Variants in FBXL7 observed in about 807,000 individuals in gnomAD.
FBXL7 encodes F-box and leucine rich repeat protein 7, also known as F-box/LRR-repeat protein 7.
Under a neutral mutation model 38.3 loss-of-function variants are expected in FBXL7, and 12 were observed. That is an observed-to-expected ratio of 0.31 (90% CI 0.20 to 0.51). The LOEUF (loss-of-function observed/expected upper bound fraction) is 0.51. Among genes scored for constraint, FBXL7 ranks in the 20% least tolerant of loss-of-function variants. The pLI is 0.98. For synonymous variants in FBXL7, 297 were observed against 300.9 expected, an observed-to-expected ratio of 0.99 and a Z score of 0.13; for missense variants, 567 against 676.4, an observed-to-expected ratio of 0.84 and a Z score of 1.79.
intron 2 of FBXL7, among the ~76,000 whole-genome samples, chr5:15,730,926 A>G (rs1052551173): frequency 1.3e-5 from 2 of 152,340 alleles, no homozygotes; most frequent in Admixed American, 6.5e-5. Context: ...TCTATTGCCT[A>G]TAAAACAGAG....
intron 2 of FBXL7, among the ~76,000 whole-genome samples, chr5:15,811,153 C>T (rs1333038540): frequency 6.6e-6 from 1 of 152,286 alleles, no homozygotes; most frequent in East Asian, 1.9e-4. Flanking sequence ...ATGTACTCCT[C>T]TCCACCCTTT....
chr5:15,842,113 C>T (rs933714206), intron 2 of FBXL7, among the ~76,000 whole-genome samples: 2 of 152,168 alleles, frequency 1.3e-5, no homozygotes, highest in African/African-American at 2.4e-5. Flanking sequence ...CCTGGAAAAG[C>T]CACAGACACT....
chr5:15,905,969 C>T (rs542399757), intron 2 of FBXL7, among the ~76,000 whole-genome samples: 4 of 150,102 alleles, frequency 2.7e-5, no homozygotes, highest in East Asian at 2.0e-4. Flanking sequence ...ATGCTGAATA[C>T]GCAACATCCT....
At chr5:15,876,887 G>T (rs369612401) in intron 2 of FBXL7, among the ~76,000 whole-genome samples, 7 of 152,190 alleles carry the variant, frequency 4.6e-5, no homozygotes, top group East Asian at 3.8e-4. Context: ...ACTAGTGGGA[G>T]ATGGTTACTA....
chr5:15,865,931 A>G (rs181836906), intron 2 of FBXL7, among the ~76,000 whole-genome samples: 1 of 152,346 alleles, frequency 6.6e-6, no homozygotes, highest in African/African-American at 2.4e-5. Flanking sequence ...ATGCCCACAT[A>G]AAGTAACTGC....
intron 2 of FBXL7, among the ~76,000 whole-genome samples, chr5:15,854,221 G>A (rs574176853): frequency 6.6e-6 from 1 of 152,286 alleles, no homozygotes; most frequent in Admixed American, 6.5e-5. Context: ...TAGGGCCTCA[G>A]CACAGTGGGT....
intron 2 of FBXL7, among the ~76,000 whole-genome samples, chr5:15,819,012 G>A (rs985622151): frequency 6.6e-6 from 1 of 152,118 alleles, no homozygotes; most frequent in Non-Finnish European, 1.5e-5. Context: ...ACTGATTTAT[G>A]ATAACTTCCA....
intron 2 of FBXL7, among the ~76,000 whole-genome samples, chr5:15,776,389 A>G (rs1505037): frequency 0.55 from 82,887 of 151,854 alleles, 22,911 homozygotes; most frequent in East Asian, 0.67. Context: ...TATGGTAACA[A>G]CCAATTATAA....
chr5:15,647,516 G>A (rs1379235938), intron 2 of FBXL7, among the ~76,000 whole-genome samples: 1 of 152,204 alleles, frequency 6.6e-6, no homozygotes, highest in East Asian at 1.9e-4. Context: ...TTGATGGCTA[G>A]GGGAGTGGAG....
chr5:15,936,363 G>T lies in FBXL7; in HGVS notation c.740-87G>T. 3 of 1,489,562 alleles carry T rather than the reference G, an allele frequency of 2.0e-6. No individual in the cohort carries two copies. Among genetic ancestry groups the T allele is most frequent in the Middle Eastern group, 1.8e-4 (1 of 5,512 alleles). The allele number at this position is 1,489,562 out of a possible 1,614,324, so 92.3% of individuals were successfully genotyped here. ...ATCAGCCTCGGACCCAGACTTGGGC[G>T]AGGGTCAGGAATGCCCCAGGGCATC... On this transcript the variant is annotated intron_variant, in intron 3 of 3. Transcript: ENST00000504595. The surrounding 1 kb of genome is among the most constrained non-coding windows in gnomAD (Gnocchi z 6.0).
intron 1 of FBXL7, among the ~76,000 whole-genome samples, chr5:15,530,943 T>C (rs1466434430): frequency 1.3e-5 from 2 of 152,190 alleles, no homozygotes; most frequent in Non-Finnish European, 2.9e-5. Flanking sequence ...AACACTGTCA[T>C]TGACCATAAA....
intron 2 of FBXL7, among the ~76,000 whole-genome samples, chr5:15,811,486 T>A (rs1312047125): frequency 7.2e-5 from 11 of 152,130 alleles, no homozygotes; most frequent in Non-Finnish European, 1.3e-4. Flanking sequence ...TTAGGGCCCA[T>A]CCTAACACCT....
At chr5:15,691,676 G>A (rs1743188288) in intron 2 of FBXL7, among the ~76,000 whole-genome samples, 1 of 152,166 alleles carries the variant, frequency 6.6e-6, no homozygotes, top group African/African-American at 2.4e-5. Flanking sequence ...CAGGGGAGAA[G>A]ATTTCTTTGA....
intron 2 of FBXL7, among the ~76,000 whole-genome samples, chr5:15,650,810 G>A (rs1741684083): frequency 6.6e-6 from 1 of 152,146 alleles, no homozygotes. Flanking sequence ...TGAGATTGCA[G>A]CAATTCAGTC....
At chr5:15,734,603 C>T (rs77856117) in intron 2 of FBXL7, among the ~76,000 whole-genome samples, 3,531 of 152,344 alleles carry the variant, frequency 0.023, 92 homozygotes, top group East Asian at 0.068. Context: ...CCCTCCTCTT[C>T]CATCCTTCCT....
At chr5:15,720,184 G>T (rs909544809) in intron 2 of FBXL7, among the ~76,000 whole-genome samples, 1 of 149,210 alleles carries the variant, frequency 6.7e-6, no homozygotes, top group East Asian at 1.9e-4. Flanking sequence ...TAGCAATCAT[G>T]ACTATTAGCA....
chr5:15,871,850 T>A (rs544746530), intron 2 of FBXL7, among the ~76,000 whole-genome samples: 70 of 152,262 alleles, frequency 4.6e-4, no homozygotes, highest in Non-Finnish European at 3.7e-4. Flanking sequence ...GGAACCAAGT[T>A]GGAAAACACA....
At chr5:15,577,938 C>A (rs1449265830) in intron 1 of FBXL7, among the ~76,000 whole-genome samples, 1 of 152,112 alleles carries the variant, frequency 6.6e-6, no homozygotes, top group Non-Finnish European at 1.5e-5. Context: ...AAGATTGTTG[C>A]ATATTGCAGA....
intron 1 of FBXL7, among the ~76,000 whole-genome samples, chr5:15,574,228 A>G (rs994732330): frequency 1.3e-5 from 2 of 152,248 alleles, no homozygotes; most frequent in African/African-American, 4.8e-5. Context: ...AGAATGGTTT[A>G]TCATATAACA....
Sources: gnomAD v4.1 joint callset for allele counts (sites outside exome capture counted in the v4.1 genomes callset) on GRCh38, gnomAD v4.1.1 for gene constraint, Gnocchi (gnomAD v3.1) non-coding constraint, MANE v1.5 for transcripts, NCBI Gene and HGNC (gene_info 2026-07-23, HGNC 2026-07-21) for gene names.